Variants in COPB1 observed in about 807,000 individuals in gnomAD.
COPB1 encodes the protein coatomer subunit beta.
Under a neutral mutation model 108.7 loss-of-function variants are expected in COPB1, and 21 were observed. The ratio of observed to expected loss-of-function variants is 0.19; its 90% CI spans 0.14 to 0.28. The LOEUF (loss-of-function observed/expected upper bound fraction) is 0.28. Among genes scored for constraint, COPB1 ranks in the 10% least tolerant of loss-of-function variants. The pLI is 1.00. For missense variants in COPB1, 919 were observed against 1,141.3 expected, an observed-to-expected ratio of 0.81 and a Z score of 2.81; for synonymous variants, 378 against 386.8, an observed-to-expected ratio of 0.98 and a Z score of 0.27.
rs1231479248 is a variant in COPB1 at position 14,488,554 on chromosome 11, T to C, written c.637A>G (p.Ile213Val). The change falls in exon 6 of 22, where the codon ATT becomes GTT. Residue 213 changes from isoleucine (I) to valine (V), a missense_variant. Ile to Val is a conservative substitution (Grantham distance 29). Around this residue, in one of 5 missense-constraint regions of COPB1, gnomAD observed 78 missense variants for 95.4 expected, o/e 0.82. Coordinates refer to ENST00000439561, the MANE Select transcript of COPB1 (RefSeq NM_001144061.2). Reference protein sequence around the residue: ...DRALDYLSTCIDQVQTFGDIL... With the variant: ...DRALDYLSTCVDQVQTFGDIL... ...TCTCCAAATGTTTGAACTTGATCAATGCAAGTACTTAAGTAATCCAAAGCT... is the reference window on the plus strand; with the variant it reads ...TCTCCAAATGTTTGAACTTGATCAACGCAAGTACTTAAGTAATCCAAAGCT... The C allele has an allele frequency of 6.2e-7, 1 of 1,607,194 alleles. No individual in the cohort carries two copies.
In COPB1 at chr11:14,493,634, T is replaced by C; in HGVS notation, c.491+8A>G. 1 of 1,590,552 alleles carries C rather than the reference T, an allele frequency of 6.3e-7. No individual in the cohort carries two copies. Reference sequence around the variant, plus strand: ...ACAGAATGAAGCCAAAGCAGTATCTTTATTTACCTATAGATGGTATAGATG... The same window carrying C: ...ACAGAATGAAGCCAAAGCAGTATCTCTATTTACCTATAGATGGTATAGATG... On this transcript the variant is annotated splice_region_variant and intron_variant, in intron 4 of 21. Coordinates refer to ENST00000439561, the MANE Select transcript of COPB1 (RefSeq NM_001144061.2).
chr11:14,462,159 T>C (rs1850170215), intron 18 of COPB1, among the ~76,000 whole-genome samples: 1 of 151,942 alleles, frequency 6.6e-6, no homozygotes, highest in African/African-American at 2.4e-5. Context: ...TTTGCTTCTA[T>C]GACCATTTCT....
At chr11:14,469,692 T>C in intron 14 of COPB1, 129 bp from the exon 15 acceptor site, 1 of 787,356 alleles carries the variant, frequency 1.3e-6, no homozygotes, top group Non-Finnish European at 2.0e-6. Context: ...TTGGATTTTA[T>C]GTCCATATCT....
At chr11:14,484,659 A>G (rs1243625635) in intron 7 of COPB1, among the ~76,000 whole-genome samples, 2 of 152,218 alleles carry the variant, frequency 1.3e-5, no homozygotes, top group Admixed American at 6.5e-5. Context: ...CGGAGGTTGC[A>G]GTGAGCCAAG....
intron 15 of COPB1, 46 bp from the exon 16 acceptor site, chr11:14,468,906 GT>G (rs1850343796): frequency 6.6e-7 from 1 of 1,520,060 alleles, no homozygotes. Flanking sequence ...TGAAAAGATA[GT>G]TTTTTAGAGG....
At chr11:14,477,500 T>C (rs1044217158) in intron 11 of COPB1, among the ~76,000 whole-genome samples, 4 of 151,244 alleles carry the variant, frequency 2.6e-5, no homozygotes, top group Non-Finnish European at 5.9e-5. Context: ...AAAACCAGCC[T>C]GGGCAACATG....
intron 2 of COPB1, among the ~76,000 whole-genome samples, chr11:14,495,949 T>C: frequency 6.6e-6 from 1 of 152,236 alleles, no homozygotes; most frequent in East Asian, 1.9e-4. Context: ...CTTATGTATA[T>C]AATGGTATCA....
chr11:14,490,515 A>C, intron 5 of COPB1, 50 bp downstream of exon 5: 1 of 1,055,646 alleles, frequency 9.5e-7, no homozygotes. Flanking sequence ...TAATACTTTC[A>C]ATTGTCACTT....
Position 14,457,958 on chromosome 11 carries a change from C to A in COPB1, c.2803-75G>T, listed in dbSNP as rs915323244. 20 of 858,144 alleles carry A rather than the reference C, an allele frequency of 2.3e-5. No homozygotes were observed. In the South Asian group the frequency reaches 3.7e-4, roughly 16 times the overall value. The allele number at this position is 858,144 out of a possible 1,614,324, so 53.2% of individuals were successfully genotyped here. A position where few individuals can be genotyped will look rare whatever the true frequency, so the allele number is the denominator to read the frequency against. On this transcript the variant is annotated intron_variant, in intron 21 of 21. Transcript: ENST00000439561. ...AGTAGGTTATTCCATATTATTAAGC[C>A]CCAATTCAATTCAATGACACCATTA...
At position 14,468,694 on chromosome 11, in the gene COPB1, G is replaced by T; in HGVS notation, c.2132C>A (p.Ser711Tyr). The change falls in exon 16 of 22, where the codon TCT becomes TAT. Residue 711 changes from serine (S) to tyrosine (Y), a missense_variant. Coordinates refer to ENST00000439561, the MANE Select transcript of COPB1 (RefSeq NM_001144061.2). ...ACATTTTGTTACCTTGTTAAGTTTA[G>T]ATGCTAGGGGATCTGCTGCCTCTTT... is the stretch of plus-strand genomic sequence containing the variant. Reference protein sequence around the residue: ...QRKEAADPLASKLNKVTQLTG... With the variant: ...QRKEAADPLAYKLNKVTQLTG... The T allele has an allele frequency of 6.2e-7, 1 of 1,613,676 alleles. No individual in the cohort carries two copies. The highest frequency in any genetic ancestry group is 8.5e-7 in the Non-Finnish European group (1 of 1,179,800).
intron 2 of COPB1, among the ~76,000 whole-genome samples, chr11:14,496,405 T>C (rs774660219): frequency 1.3e-5 from 2 of 151,992 alleles, no homozygotes; most frequent in Non-Finnish European, 2.9e-5. Flanking sequence ...ATGACAACAG[T>C]GAACAATCTG....
chr11:14,497,392 C>T (rs1449720044), intron 2 of COPB1, among the ~76,000 whole-genome samples: 1 of 150,538 alleles, frequency 6.6e-6, no homozygotes, highest in Non-Finnish European at 1.5e-5. Flanking sequence ...AAGATTTGAA[C>T]AGACATTTCA....
chr11:14,489,265 C>T lies in COPB1; in HGVS notation c.607-681G>A, dbSNP rs1418079657. On this transcript the variant is annotated intron_variant, in intron 5 of 21. Transcript: ENST00000439561. ...ATGTGGAGAAAATGGAACCCTTGTGCACTACTAGTGAGAATGTAAAATGGT... is the reference window on the plus strand; with the variant it reads ...ATGTGGAGAAAATGGAACCCTTGTGTACTACTAGTGAGAATGTAAAATGGT... 3.3e-5 allele frequency among the ~76,000 whole-genome samples: 5 copies of T among 152,294 alleles called. No individual in the cohort carries two copies. In the East Asian group the frequency reaches 9.6e-4, roughly 29 times the overall value.
chr11:14,479,958 C>T lies in COPB1; in HGVS notation c.1213-244G>A, dbSNP rs112342539. Reference sequence around the variant, plus strand: ...AGGAGCTAGGACTTCAGGCATGACACTATGCCTAGCTAATATTAATTTTTT... The same window carrying T: ...AGGAGCTAGGACTTCAGGCATGACATTATGCCTAGCTAATATTAATTTTTT... On this transcript the variant is annotated intron_variant, in intron 10 of 21. Coordinates refer to ENST00000439561, the MANE Select transcript of COPB1 (RefSeq NM_001144061.2). 1.1e-3 allele frequency among the ~76,000 whole-genome samples: 162 copies of T among 152,200 alleles called. 1 individual carries two copies. The highest frequency in any genetic ancestry group is 3.8e-3 in the African/African-American group (158 of 41,528).
rs970580204 is a variant in COPB1, at chr11:14,473,176, T to C, written c.1737+1319A>G. ...TTTTAGTAGAGACAGGGTTTCACCA[T>C]GTTGGCCAGGCTGGTCTCGAACTCC... On this transcript the variant is annotated intron_variant, in intron 14 of 21. Transcript: ENST00000439561. Among the ~76,000 whole-genome samples, 21 of 152,116 alleles carry C rather than the reference T, an allele frequency of 1.4e-4. 1 individual carries two copies. The highest frequency in any genetic ancestry group is 2.4e-5 in the African/African-American group (1 of 41,438).
intron 20 of COPB1, 104 bp downstream of exon 20, chr11:14,460,104 G>A: frequency 1.5e-6 from 1 of 684,992 alleles, no homozygotes; most frequent in Non-Finnish European, 2.6e-6. Flanking sequence ...GCCTAGAATG[G>A]TACTGCATAT....
Position 14,457,627 on chromosome 11 carries a change from C to T in COPB1, c.*197G>A. ...CATTATATACTTTGAGGACAGCATT[C>T]AGAACTGTTAAGACAAAAGACAAAC... On this transcript the variant is annotated 3_prime_UTR_variant, in exon 22 of 22. Coordinates refer to ENST00000439561, the MANE Select transcript of COPB1 (RefSeq NM_001144061.2). 2.0e-6 allele frequency: 1 copy of T among 504,578 alleles called. No individual in the cohort carries two copies. The highest frequency in any genetic ancestry group is 3.6e-6 in the Non-Finnish European group (1 of 275,646). The allele number at this position is 504,578 out of a possible 1,614,324, so 31.3% of individuals were successfully genotyped here.
chr11:14,477,896 C>CAA (rs1289045044), intron 11 of COPB1, among the ~76,000 whole-genome samples: 7 of 59,910 alleles, frequency 1.2e-4, no homozygotes, highest in Non-Finnish European at 2.0e-4. Context: ...GACTCCATCT[C>CAA]AAAAAAAAAA....
chr11:14,488,063 T>A (rs1850816086), intron 6 of COPB1, among the ~76,000 whole-genome samples: 1 of 152,242 alleles, frequency 6.6e-6, no homozygotes, highest in Admixed American at 6.5e-5. Context: ...GCCTACAATG[T>A]CATATTAATG....
Sources: allele counts gnomAD v4.1 joint callset (sites outside exome capture counted in the v4.1 genomes callset), GRCh38; gene constraint gnomAD v4.1.1; regional missense constraint gnomAD v4.1.1; transcripts MANE v1.5; gene names NCBI Gene and HGNC (gene_info 2026-07-23, HGNC 2026-07-21).